Variants in KCNAB1 observed in about 807,000 individuals in gnomAD.
KCNAB1 encodes voltage-gated potassium channel subunit beta-1.
Under a neutral mutation model 64.6 loss-of-function variants are expected in KCNAB1, and 35 were observed. The observed-to-expected ratio is 0.54, with a 90% CI of 0.41 to 0.72. The LOEUF is 0.72. KCNAB1 is among the 30% of genes least tolerant of loss of function. The pLI is 0.00. For missense variants in KCNAB1, 401 were observed against 512.9 expected (o/e 0.78, Z 2.11); for synonymous variants, 177 against 183.8 (o/e 0.96, Z 0.30).
chr3:156,429,825 G>A (rs1316334257), intron 2 of KCNAB1, among the ~76,000 whole-genome samples: 2 of 152,170 alleles, frequency 1.3e-5, no homozygotes, highest in Admixed American at 1.3e-4. Flanking sequence ...CCCTGAAAGA[G>A]TTTACCAATT....
intron 1 of KCNAB1, among the ~76,000 whole-genome samples, chr3:156,145,880 T>TTTGA (rs1382423401): frequency 2.0e-5 from 3 of 151,392 alleles, no homozygotes; most frequent in Non-Finnish European, 2.9e-5. Context: ...AACATATAAA[T>TTTGA]GGATAAGAGA....
At chr3:156,302,322 T>A (rs565942459) in intron 1 of KCNAB1, among the ~76,000 whole-genome samples, 16 of 152,226 alleles carry the variant, frequency 1.1e-4, no homozygotes, top group Admixed American at 2.0e-4. Context: ...TAGAAGGTAA[T>A]ATGTGCGCAG....
At chr3:156,227,139 A>C (rs1716227800) in intron 1 of KCNAB1, among the ~76,000 whole-genome samples, 1 of 152,202 alleles carries the variant, frequency 6.6e-6, no homozygotes, top group Non-Finnish European at 1.5e-5. Flanking sequence ...CTTCGTCACA[A>C]TGTTGTTTTT....
At chr3:156,485,118 T>G (rs751085174) in intron 8 of KCNAB1, among the ~76,000 whole-genome samples, 1 of 152,122 alleles carries the variant, frequency 6.6e-6, no homozygotes, top group Non-Finnish European at 1.5e-5. Flanking sequence ...TATATAAACC[T>G]TGGAAGATGT....
intron 1 of KCNAB1, among the ~76,000 whole-genome samples, chr3:156,149,767 G>A (rs1025584472): frequency 2.0e-5 from 3 of 152,088 alleles, no homozygotes; most frequent in African/African-American, 4.8e-5. Context: ...GTATTACAGG[G>A]TTGACATATG....
At chr3:156,386,680 T>G (rs1712619541) in intron 1 of KCNAB1, among the ~76,000 whole-genome samples, 1 of 152,252 alleles carries the variant, frequency 6.6e-6, no homozygotes, top group African/African-American at 2.4e-5. Context: ...ATTATCAATA[T>G]AAGTGTAAAA....
At chr3:156,251,198 G>A (rs1179959941) in intron 1 of KCNAB1, among the ~76,000 whole-genome samples, 3 of 152,202 alleles carry the variant, frequency 2.0e-5, no homozygotes, top group Non-Finnish European at 2.9e-5. Flanking sequence ...CAATTAAGTA[G>A]GCTTGTGTGA....
At chr3:156,310,347 G>C (rs1297346863) in intron 1 of KCNAB1, among the ~76,000 whole-genome samples, 1 of 152,162 alleles carries the variant, frequency 6.6e-6, no homozygotes, top group African/African-American at 2.4e-5. Context: ...GAGAGAGATG[G>C]GTGGTATGAC....
chr3:156,456,611 A>G (rs1326090039), intron 3 of KCNAB1, among the ~76,000 whole-genome samples: 2 of 152,252 alleles, frequency 1.3e-5, no homozygotes, highest in Non-Finnish European at 2.9e-5. Flanking sequence ...GGAAATGCGG[A>G]TGAAGCAACT....
chr3:156,433,177 G>C (rs1428782372), intron 2 of KCNAB1, among the ~76,000 whole-genome samples: 1 of 152,230 alleles, frequency 6.6e-6, no homozygotes, highest in Admixed American at 6.5e-5. Context: ...AGCCTATCTA[G>C]GGAGTGGAGG....
At chr3:156,307,366 C>CTTT (rs34577217) in intron 1 of KCNAB1, among the ~76,000 whole-genome samples, 5 of 148,238 alleles carry the variant, frequency 3.4e-5, no homozygotes, top group African/African-American at 9.9e-5. Context: ...TTCTTTTCAT[C>CTTT]TTTTTTTTTT....
At chr3:156,418,956 AAGG>A (rs1715279881) in intron 1 of KCNAB1, among the ~76,000 whole-genome samples, 1 of 152,214 alleles carries the variant, frequency 6.6e-6, no homozygotes, top group Non-Finnish European at 1.5e-5. Context: ...AAAATCTTGT[AAGG>A]CTTTCATTCC....
chr3:156,427,437 A>C (rs1311524103), intron 2 of KCNAB1, among the ~76,000 whole-genome samples: 1 of 152,204 alleles, frequency 6.6e-6, no homozygotes, highest in Non-Finnish European at 1.5e-5. Flanking sequence ...GCCTGAGTGT[A>C]TGCTCCCTGA....
At chr3:156,175,269 T>C (rs1200675853) in intron 1 of KCNAB1, among the ~76,000 whole-genome samples, 3 of 151,856 alleles carry the variant, frequency 2.0e-5, no homozygotes, top group Non-Finnish European at 4.4e-5. Flanking sequence ...ACCAGCAAAT[T>C]TGTCACATTG....
rs1037727075 is a variant in KCNAB1, at chr3:156,123,116, C to A, written c.275+2230C>A. ...ATTGTTCTTTCTTCCAATAACATGG[C>A]CCATGAGTGATATCTCCATTAGAAA... On this transcript the variant is annotated intron_variant, in intron 1 of 13. Transcript: ENST00000490337. Among the ~76,000 whole-genome samples, 4 of 152,142 alleles carry A rather than the reference C, an allele frequency of 2.6e-5. No individual in the cohort carries two copies. The East Asian group carries it at 7.7e-4, about 29-fold the overall frequency.
At chr3:156,182,707 T>A (rs1560124955) in intron 1 of KCNAB1, among the ~76,000 whole-genome samples, 2 of 150,666 alleles carry the variant, frequency 1.3e-5, no homozygotes, top group African/African-American at 2.4e-5. Flanking sequence ...TTTTTTTTTT[T>A]TTTTTTATTT....
At chr3:156,301,294 A>C (rs1327089917) in intron 1 of KCNAB1, among the ~76,000 whole-genome samples, 1 of 152,300 alleles carries the variant, frequency 6.6e-6, no homozygotes, top group South Asian at 2.1e-4. Flanking sequence ...CATGGCTTTA[A>C]TGAATGCTAC....
At chr3:156,438,630 G>A (rs1045857115) in intron 2 of KCNAB1, among the ~76,000 whole-genome samples, 1 of 152,164 alleles carries the variant, frequency 6.6e-6, no homozygotes, top group African/African-American at 2.4e-5. Flanking sequence ...AGCATTTAGT[G>A]AGCACCTGTT....
chr3:156,511,595 C>T (rs1717215757), intron 8 of KCNAB1, among the ~76,000 whole-genome samples: 1 of 152,164 alleles, frequency 6.6e-6, no homozygotes, highest in Non-Finnish European at 1.5e-5. Context: ...ATTGTGGATT[C>T]TGCCTTCAAC....
Sources: allele counts gnomAD v4.1 joint callset (sites outside exome capture counted in the v4.1 genomes callset), GRCh38; gene constraint gnomAD v4.1.1; transcripts MANE v1.5; gene names NCBI Gene and HGNC (gene_info 2026-07-23, HGNC 2026-07-21).